PLEKHA7: variants seen among roughly 807,000 people sequenced by gnomAD.
PLEKHA7 encodes pleckstrin homology domain-containing family A member 7.
PLEKHA7 carries 104 observed loss-of-function variants against 170.0 expected under a neutral mutation model. The observed-to-expected ratio is 0.61, with a 90% CI of 0.52 to 0.72. The LOEUF is 0.72. Among genes scored for constraint, PLEKHA7 ranks in the 30% least tolerant of loss-of-function variants. PLEKHA7 has a pLI of 0.00. For missense variants in PLEKHA7, 1,615 were observed against 1,671.7 expected, an observed-to-expected ratio of 0.97 and a Z score of 0.59; for synonymous variants, 648 against 660.8, an observed-to-expected ratio of 0.98 and a Z score of 0.30.
intron 7 of PLEKHA7, 150 bp downstream of exon 7, chr11:16,852,133 G>T: frequency 1.6e-6 from 1 of 616,448 alleles, no homozygotes; most frequent in South Asian, 2.5e-5. Flanking sequence ...TGAATCCTGA[G>T]ACCCTTAGTA....
Position 16,789,183 on chromosome 11 carries a change from C to T in PLEKHA7, c.3270G>A (p.Glu1090=), listed in dbSNP as rs1255851657. The change falls in exon 23 of 27, where the codon GAG becomes GAA. Residue 1090 remains glutamate (E), a synonymous_variant. Coordinates refer to ENST00000531066, the MANE Select transcript of PLEKHA7 (RefSeq NM_001329630.2). The surrounding 1 kb of genome is among the most constrained non-coding windows in gnomAD (Gnocchi z 4.6). ...CCCCTTGGCCCAGTGTCCTCTTGCG[C>T]TCTCGGACCAGGGCCTTCTGGTGTC... is the stretch of plus-strand genomic sequence containing the variant. ...MKRHQKALVR[E]RKRTLGQGER... is the part of the protein sequence containing the mutation. 6.2e-7 allele frequency: 1 copy of T among 1,613,032 alleles called. No homozygotes were observed. The highest frequency in any genetic ancestry group is 1.7e-5 in the Admixed American group (1 of 60,028).
intron 4 of PLEKHA7, among the ~76,000 whole-genome samples, chr11:16,866,588 G>C (rs1166162712): frequency 6.6e-6 from 1 of 152,032 alleles, no homozygotes; most frequent in African/African-American, 2.4e-5. Flanking sequence ...ATGAAACTCT[G>C]TCTCAAAAAA....
intron 3 of PLEKHA7, among the ~76,000 whole-genome samples, chr11:16,921,205 G>A (rs373461179): frequency 1.7e-4 from 26 of 152,182 alleles, no homozygotes; most frequent in Middle Eastern, 3.4e-3. Context: ...TACCAGATGC[G>A]TCAGAAAGAA....
At chr11:16,826,645 A>G in intron 9 of PLEKHA7, 55 bp from the exon 10 acceptor site, 1 of 1,481,610 alleles carries the variant, frequency 6.7e-7, no homozygotes, top group South Asian at 1.2e-5. Context: ...CCATGATGAA[A>G]TGCACTGTAC....
chr11:16,791,209 A>T lies in PLEKHA7; in HGVS notation c.2746-10T>A. The stretch of plus-strand genomic sequence containing the variant: ...GAGGTGCTTCATCTTCCTGCTGAGA[A>T]AGAGAACCAGACCAGTGGTCAGCGA... On this transcript the variant is annotated splice_polypyrimidine_tract_variant and intron_variant, in intron 19 of 26. Transcript: ENST00000531066. This position sits in a 1 kb window ranked among gnomAD's most constrained non-coding sequence, Gnocchi z 4.5. 2 of 1,580,240 alleles carry T rather than the reference A, an allele frequency of 1.3e-6. No individual in the cohort carries two copies. Among genetic ancestry groups the T allele is most frequent in the Non-Finnish European group, 1.7e-6 (2 of 1,162,364 alleles).
intron 4 of PLEKHA7, among the ~76,000 whole-genome samples, chr11:16,859,871 C>G (rs1287743908): frequency 6.6e-6 from 1 of 152,256 alleles, no homozygotes; most frequent in Non-Finnish European, 1.5e-5. Flanking sequence ...ACCCAAAAAC[C>G]TGCACACGCA....
At chr11:16,967,872 C>G (rs1218627345) in intron 3 of PLEKHA7, among the ~76,000 whole-genome samples, 2 of 152,188 alleles carry the variant, frequency 1.3e-5, no homozygotes, top group Non-Finnish European at 2.9e-5. Context: ...AACTTCAGAC[C>G]TTTCTTTAGA....
intron 3 of PLEKHA7, among the ~76,000 whole-genome samples, chr11:17,005,024 A>G (rs955170194): frequency 1.3e-5 from 2 of 152,162 alleles, no homozygotes; most frequent in Non-Finnish European, 2.9e-5. Flanking sequence ...AGAAAACAAG[A>G]GCAGGTACCT....
intron 8 of PLEKHA7, among the ~76,000 whole-genome samples, chr11:16,845,530 C>A (rs942939755): frequency 2.0e-5 from 3 of 152,090 alleles, no homozygotes; most frequent in African/African-American, 7.2e-5. Flanking sequence ...CCATGCCCAA[C>A]TAATTTTTGT....
intron 10 of PLEKHA7, among the ~76,000 whole-genome samples, chr11:16,819,025 G>A (rs1376922226): frequency 6.6e-6 from 1 of 151,634 alleles, no homozygotes; most frequent in Non-Finnish European, 1.5e-5. Flanking sequence ...GGATGGTCTC[G>A]ATCTCCTGAC....
At position 16,852,338 on chromosome 11, in the gene PLEKHA7, C is replaced by A. The variant is rs779870094; in HGVS notation, c.540G>T (p.Arg180Ser). 1.9e-6 allele frequency: 3 copies of A among 1,614,032 alleles called. No homozygotes were observed. Among genetic ancestry groups the A allele is most frequent in the Non-Finnish European group, 2.5e-6 (3 of 1,179,968 alleles). The change falls in exon 7 of 27, where the codon AGG becomes AGT. Residue 180 changes from arginine (R) to serine (S), a missense_variant. Arg to Ser is a moderately radical substitution (Grantham distance 110). Transcript: ENST00000531066. ...GCACAAACCACCTCCTTTTCCACAGCCTCATCCCAGAACTGTCCTGCAAAG... is the reference window on the plus strand; with the variant it reads ...GCACAAACCACCTCCTTTTCCACAGACTCATCCCAGAACTGTCCTGCAAAG... Reference protein sequence around the residue: ...WLHKQDSSGMRLWKRRWFVLA... With the variant: ...WLHKQDSSGMSLWKRRWFVLA...
At chr11:16,894,829 G>A (rs1299378687) in intron 3 of PLEKHA7, among the ~76,000 whole-genome samples, 2 of 152,166 alleles carry the variant, frequency 1.3e-5, no homozygotes, top group African/African-American at 2.4e-5. Context: ...GTAAAAGAGA[G>A]AGATCCATAA....
chr11:16,926,648 G>A (rs1475548988), intron 3 of PLEKHA7, among the ~76,000 whole-genome samples: 1 of 152,218 alleles, frequency 6.6e-6, no homozygotes, highest in Non-Finnish European at 1.5e-5. Context: ...TGACAAAGCT[G>A]AGACGTTACC....
intron 3 of PLEKHA7, among the ~76,000 whole-genome samples, chr11:16,957,893 C>G (rs1378595310): frequency 1.3e-5 from 2 of 151,572 alleles, no homozygotes; most frequent in Admixed American, 6.6e-5. Context: ...TTAGTAGACA[C>G]GGAGATTCAC....
chr11:16,861,246 T>G (rs2135532906), intron 4 of PLEKHA7, among the ~76,000 whole-genome samples: 1 of 151,982 alleles, frequency 6.6e-6, no homozygotes, highest in East Asian at 1.9e-4. Context: ...CATCAAGGGC[T>G]AGGAACAGAG....
chr11:16,925,823 GCT>G (rs1565122952), intron 3 of PLEKHA7, among the ~76,000 whole-genome samples: 3 of 152,280 alleles, frequency 2.0e-5, no homozygotes, highest in African/African-American at 7.2e-5. Flanking sequence ...CGCCCCAGGT[GCT>G]GCCGTTCGGC....
chr11:16,872,095 A>C (rs1276041216), intron 3 of PLEKHA7, among the ~76,000 whole-genome samples: 3 of 151,490 alleles, frequency 2.0e-5, no homozygotes, highest in African/African-American at 7.3e-5. Context: ...CAGCCTCCCA[A>C]GTAGCTGGAA....
chr11:16,842,525 C>G (rs1369046399), intron 8 of PLEKHA7: 1 of 143,792 alleles, frequency 7.0e-6, no homozygotes, highest in Non-Finnish European at 1.5e-5. Context: ...AGTTGACCAA[C>G]AGTTAACTAA....
chr11:16,856,256 G>A (rs1365499862), intron 4 of PLEKHA7, among the ~76,000 whole-genome samples: 1 of 152,194 alleles, frequency 6.6e-6, no homozygotes, highest in African/African-American at 2.4e-5. Context: ...GCACAGATGT[G>A]CCACTCTTCT....
Sources: gnomAD v4.1 joint callset for allele counts (sites outside exome capture counted in the v4.1 genomes callset) on GRCh38, gnomAD v4.1.1 for gene constraint, Gnocchi (gnomAD v3.1) non-coding constraint, MANE v1.5 for transcripts, NCBI Gene and HGNC (gene_info 2026-07-23, HGNC 2026-07-21) for gene names.